MSI2: variants seen among roughly 807,000 people sequenced by gnomAD.
MSI2 encodes RNA-binding protein Musashi homolog 2.
In MSI2, 17 loss-of-function variants were observed where a neutral mutation model predicts 45.6. The ratio of observed to expected loss-of-function variants is 0.37; its 90% confidence interval spans 0.26 to 0.56. The LOEUF is 0.56. Ranked by LOEUF, MSI2 falls within the 20% of genes least tolerant of loss-of-function variation. The probability of loss-of-function intolerance (pLI) is 0.77; values close to 1 mark genes in which losing one functional copy is unlikely to be tolerated. For missense variants in MSI2, 293 were observed against 444.2 expected (o/e 0.66, Z 3.06); for synonymous variants, 156 against 158.2 (o/e 0.99, Z 0.11).
chr17:57,679,102 G>A (rs1172963137), intron 13 of MSI2, among the ~76,000 whole-genome samples: 2 of 152,144 alleles, frequency 1.3e-5, no homozygotes, highest in South Asian at 4.1e-4. Context: ...TTATCGATGG[G>A]TATCTAATAA....
chr17:57,632,026 A>C, intron 10 of MSI2: 1 of 1,356,222 alleles, frequency 7.4e-7, no homozygotes, highest in Non-Finnish European at 9.4e-7. Context: ...ATTAAAAAAA[A>C]ATTATTCTCC....
chr17:57,649,370 C>T (rs781350992), intron 10 of MSI2, among the ~76,000 whole-genome samples: 1 of 151,434 alleles, frequency 6.6e-6, no homozygotes, highest in Non-Finnish European at 1.5e-5. Flanking sequence ...ACACATAACA[C>T]ACATGTACTC....
intron 6 of MSI2, among the ~76,000 whole-genome samples, chr17:57,490,210 A>G (rs967014137): frequency 1.3e-5 from 2 of 152,178 alleles, no homozygotes; most frequent in Non-Finnish European, 2.9e-5. Flanking sequence ...GATGCCTGCC[A>G]CTCAGTAGAT....
chr17:57,656,288 A>G (rs1911583317), intron 11 of MSI2, among the ~76,000 whole-genome samples: 1 of 152,172 alleles, frequency 6.6e-6, no homozygotes, highest in Admixed American at 6.5e-5. Context: ...GTCTCTGTTG[A>G]TATCGTCCAA....
chr17:57,417,365 A>C (rs2084314274), intron 6 of MSI2, among the ~76,000 whole-genome samples: 1 of 152,170 alleles, frequency 6.6e-6, no homozygotes, highest in Non-Finnish European at 1.5e-5. Flanking sequence ...GAGAGGGCTC[A>C]CTTCCATGGA....
chr17:57,660,158 CCTT>C (rs1461676266), intron 11 of MSI2, among the ~76,000 whole-genome samples: 2 of 152,154 alleles, frequency 1.3e-5, no homozygotes, highest in African/African-American at 2.4e-5. Context: ...GCTTCGCCCT[CCTT>C]CTCATTTCAA....
chr17:57,563,164 G>A (rs1356603173), intron 7 of MSI2, among the ~76,000 whole-genome samples: 1 of 150,054 alleles, frequency 6.7e-6, no homozygotes, highest in African/African-American at 2.5e-5. Context: ...TTTGTTATGT[G>A]TATAGGCTGC....
chr17:57,458,465 T>C (rs1379401790), intron 6 of MSI2, among the ~76,000 whole-genome samples: 3 of 152,186 alleles, frequency 2.0e-5, no homozygotes, highest in Admixed American at 1.3e-4. Context: ...GAGATTTAGG[T>C]CACAGTGTTA....
At chr17:57,502,636 T>TATCATAG in intron 6 of MSI2, among the ~76,000 whole-genome samples, 17 of 96,936 alleles carry the variant, frequency 1.8e-4, no homozygotes, top group Admixed American at 1.1e-3. Context: ...TATATATATA[T>TATCATAG]AGTCATCATT....
intron 10 of MSI2, chr17:57,630,326 A>G (rs947786840): frequency 1.3e-5 from 2 of 152,290 alleles, no homozygotes; most frequent in Non-Finnish European, 2.9e-5. Context: ...ATCAGGCATT[A>G]CAATGTACAG....
chr17:57,535,363 A>G (rs1356745398), intron 7 of MSI2, among the ~76,000 whole-genome samples: 1 of 152,154 alleles, frequency 6.6e-6, no homozygotes, highest in Non-Finnish European at 1.5e-5. Flanking sequence ...CCTAGTTGAA[A>G]GGAGGTGAGG....
intron 6 of MSI2, among the ~76,000 whole-genome samples, chr17:57,423,771 C>T (rs1046498213): frequency 6.6e-6 from 1 of 152,126 alleles, no homozygotes; most frequent in Non-Finnish European, 1.5e-5. Context: ...CTCTCCTGCC[C>T]GCCCCTCCTC....
intron 6 of MSI2, among the ~76,000 whole-genome samples, chr17:57,455,623 AAC>A (rs1265468938): frequency 1.3e-5 from 2 of 152,140 alleles, no homozygotes; most frequent in Admixed American, 1.3e-4. Context: ...GTCCAAAACA[AAC>A]AGAGATGTTC....
At chr17:57,636,901 A>G (rs1909878532) in intron 10 of MSI2, among the ~76,000 whole-genome samples, 1 of 152,174 alleles carries the variant, frequency 6.6e-6, no homozygotes, top group South Asian at 2.1e-4. Context: ...TCAGTTTCCC[A>G]GGTAGGCTGC....
intron 5 of MSI2, among the ~76,000 whole-genome samples, chr17:57,348,648 G>A (rs1165146388): frequency 2.0e-5 from 3 of 152,052 alleles, no homozygotes; most frequent in East Asian, 1.9e-4. Flanking sequence ...GAAGCTTCCC[G>A]AAGCCTTCGC....
intron 6 of MSI2, among the ~76,000 whole-genome samples, chr17:57,431,914 G>A (rs578085395): frequency 1.3e-5 from 2 of 152,258 alleles, no homozygotes; most frequent in Non-Finnish European, 2.9e-5. Context: ...AGACTCCACC[G>A]GGCATTTGGC....
At chr17:57,443,853 C>G (rs1343855140) in intron 6 of MSI2, among the ~76,000 whole-genome samples, 1 of 152,154 alleles carries the variant, frequency 6.6e-6, no homozygotes, top group African/African-American at 2.4e-5. Flanking sequence ...GGGCAACGTG[C>G]CTGGGACAGT....
intron 7 of MSI2, among the ~76,000 whole-genome samples, chr17:57,540,750 C>T (rs953269134): frequency 1.3e-5 from 2 of 152,220 alleles, no homozygotes; most frequent in Admixed American, 1.3e-4. Context: ...TCCCCTGAGC[C>T]TTCAAGAGGG....
In MSI2 at chr17:57,632,099, G is replaced by A. The variant is rs768294259; in HGVS notation, c.727+4796G>A. On this transcript the variant is annotated intron_variant, in intron 10 of 13. Transcript: ENST00000284073. ...CGACCCCACTTCCTCAGAATGTAAC[G>A]GGGCCAGAGGGAAACTTCTCACAAA... The A allele has an allele frequency of 2.2e-4, 275 of 1,258,144 alleles. 1 individual carries two copies. Among genetic ancestry groups the A allele is most frequent in the Middle Eastern group, 1.2e-3 (4 of 3,308 alleles). 77.9% of individuals were successfully genotyped at this position (1,258,144 alleles called of 1,614,324 possible).
Sources: allele counts gnomAD v4.1 joint callset (sites outside exome capture counted in the v4.1 genomes callset), GRCh38; gene constraint gnomAD v4.1.1; transcripts MANE v1.5; gene names NCBI Gene and HGNC (gene_info 2026-07-23, HGNC 2026-07-21).